The following LARP4B variants were observed in gnomAD, a reference collection of about 807,000 sequenced individuals.
LARP4B encodes the protein la-related protein 4B.
Under a neutral mutation model 89.8 loss-of-function variants are expected in LARP4B, and 12 were observed. The observed-to-expected ratio is 0.13, with a 90% CI of 0.09 to 0.22. LARP4B has a LOEUF of 0.22. LARP4B is among the 10% of genes least tolerant of loss of function. The pLI, the probability that LARP4B is intolerant of heterozygous loss-of-function variation, is 1.00. For missense variants in LARP4B, 757 were observed against 947.7 expected (o/e 0.80, Z 2.64); for synonymous variants, 367 against 363.3 (o/e 1.01, Z -0.12).
chr10:851,180 C>CT lies in LARP4B; in HGVS notation c.431-6126dup, dbSNP rs144483000. ...AAAATCGATAAAATGAAAACACTAA[C>CT]TTTTTTTTTTTTTTTTTTTTTGAGA... On this transcript the variant is annotated intron_variant, in intron 5 of 17. Transcript: ENST00000316157. Among the ~76,000 whole-genome samples the CT allele has an allele frequency of 9.5e-3, 1,251 of 131,530 alleles. 15 individuals carry two copies. Among genetic ancestry groups the CT allele is most frequent in the African/African-American group, 0.024 (818 of 34,458 alleles). The allele number at this position is 131,530 out of a possible 152,430, so 86.3% of individuals were successfully genotyped here. A position where few individuals can be genotyped will look rare whatever the true frequency, so the allele number is the denominator to read the frequency against.
intron 11 of LARP4B, among the ~76,000 whole-genome samples, chr10:827,139 A>G (rs12260005): frequency 0.026 from 3,879 of 151,988 alleles, 125 homozygotes; most frequent in African/African-American, 0.075. Flanking sequence ...ATCCGGGCGT[A>G]GTGGCGGGCG....
the LARP4B span, among the ~76,000 whole-genome samples, chr10:961,473 G>A: frequency 6.7e-6 from 1 of 148,464 alleles, no homozygotes; most frequent in Admixed American, 6.7e-5. Flanking sequence ...TTCTGGGGAG[G>A]CCTCGGGAAG....
rs536800244 is a variant in LARP4B at position 878,151 on chromosome 10, G to T, written c.141+6296C>A. Among the ~76,000 whole-genome samples the T allele has an allele frequency of 2.6e-5, 4 of 152,338 alleles. No homozygotes were observed. The East Asian group carries it at 7.7e-4, about 29-fold the overall frequency. On this transcript the variant is annotated intron_variant, in intron 3 of 17. Transcript: ENST00000316157. The stretch of plus-strand genomic sequence containing the variant: ...GGCTGGAGCAGCGTGCCAGAGGAGA[G>T]CCAGTGGGCAGCAGAGTCAGAGAGG...
At chr10:885,964 AT>A (rs1193305296) in intron 1 of LARP4B, among the ~76,000 whole-genome samples, 1 of 152,134 alleles carries the variant, frequency 6.6e-6, no homozygotes, top group Non-Finnish European at 1.5e-5. Context: ...TCTTCACACC[AT>A]TTTGGTGAAG....
the LARP4B span, among the ~76,000 whole-genome samples, chr10:977,809 T>C: frequency 6.6e-6 from 1 of 152,182 alleles, no homozygotes; most frequent in Non-Finnish European, 1.5e-5. Flanking sequence ...CATCCACTGA[T>C]TTGGGTGTCC....
rs1831938661 is a variant in LARP4B, at chr10:814,769, T to C, written c.1902A>G (p.Lys634=). 1.1e-5 allele frequency: 17 copies of C among 1,602,252 alleles called. No homozygotes were observed. The highest frequency in any genetic ancestry group is 1.4e-5 in the Non-Finnish European group (17 of 1,173,954). Residue 634 remains lysine (K), a synonymous_variant, in exon 17 of 18, where the codon AAA becomes AAG. Transcript: ENST00000316157. This position sits in a 1 kb window ranked among gnomAD's most constrained non-coding sequence, Gnocchi z 4.4. ...LPSALTATAC[K]SVQVNGAATE... ...TGGCGGCTCCGTTCACCTGCACCGA[T>C]TTACACGCGGTCGCAGTGAGGGCGG... is the stretch of plus-strand genomic sequence containing the variant.
chr10:908,346 G>A (rs1472570711), intron 1 of LARP4B, among the ~76,000 whole-genome samples: 3 of 152,150 alleles, frequency 2.0e-5, no homozygotes, highest in Non-Finnish European at 2.9e-5. Flanking sequence ...CACACATCTC[G>A]TCATCTGCAT....
At chr10:976,465 T>C in the LARP4B span, among the ~76,000 whole-genome samples, 5 of 149,160 alleles carry the variant, frequency 3.4e-5, no homozygotes, top group Admixed American at 6.7e-5. Flanking sequence ...TAGTAGAAGG[T>C]AGGCCTGTCG....
chr10:986,690 T>A, the LARP4B span: 149,434 of 152,430 alleles, frequency 0.98, 73,321 homozygotes, highest in Middle Eastern at 1. Flanking sequence ...CTGTAATCTC[T>A]GCACTTTGGG....
the LARP4B span, among the ~76,000 whole-genome samples, chr10:940,936 C>A: frequency 3.3e-5 from 5 of 152,186 alleles, no homozygotes; most frequent in East Asian, 9.6e-4. Flanking sequence ...GGCAAAATCA[C>A]AGACTCAGCT....
intron 5 of LARP4B, among the ~76,000 whole-genome samples, chr10:860,038 T>C (rs1238710313): frequency 1.4e-5 from 2 of 143,674 alleles, no homozygotes; most frequent in African/African-American, 5.2e-5. Flanking sequence ...CAGGTAATAA[T>C]GATGTGCCAA....
At chr10:874,318 T>A (rs1480672908) in intron 3 of LARP4B, among the ~76,000 whole-genome samples, 1 of 152,154 alleles carries the variant, frequency 6.6e-6, no homozygotes, top group Non-Finnish European at 1.5e-5. Flanking sequence ...TGGTTCATGG[T>A]ATTATTCGCT....
Position 884,427 on chromosome 10 carries a change from T to G in LARP4B, c.141+20A>C, listed in dbSNP as rs1835789792. The G allele has an allele frequency of 3.9e-6, 6 of 1,537,298 alleles. No homozygotes were observed. The Admixed American group carries it at 1.0e-4, about 26-fold the overall frequency. ...TGACTGTGATTAAAAAATCTGTGAT[T>G]AATCTCAAAATTGAATTACCTGACT... On this transcript the variant is annotated intron_variant, in intron 3 of 17. Coordinates refer to ENST00000316157, the MANE Select transcript of LARP4B (RefSeq NM_015155.3).
At chr10:807,430 C>G (rs1831596815), downstream of LARP4B, 1 of 152,318 alleles carries the variant, frequency 6.6e-6, no homozygotes, top group African/African-American at 2.4e-5. Context: ...TGTGGGCCCT[C>G]ACAGGCCCAC....
At chr10:911,980 A>G (rs1240787067) in intron 1 of LARP4B, among the ~76,000 whole-genome samples, 1 of 152,150 alleles carries the variant, frequency 6.6e-6, no homozygotes, top group Non-Finnish European at 1.5e-5. Flanking sequence ...AGGTTAGGAG[A>G]GTGCTCACCA....
At chr10:851,436 G>T (rs188582880) in intron 5 of LARP4B, among the ~76,000 whole-genome samples, 1 of 151,972 alleles carries the variant, frequency 6.6e-6, no homozygotes, top group Admixed American at 6.5e-5. Context: ...TGCCCGCCTC[G>T]GCCTCTCAAA....
At chr10:968,519 G>A in the LARP4B span, among the ~76,000 whole-genome samples, 5 of 152,212 alleles carry the variant, frequency 3.3e-5, no homozygotes, top group African/African-American at 9.6e-5. Flanking sequence ...GACTATCGCC[G>A]CAGAAAGAAG....
chr10:955,894 C>T, the LARP4B span, among the ~76,000 whole-genome samples: 3 of 152,168 alleles, frequency 2.0e-5, no homozygotes, highest in Non-Finnish European at 2.9e-5. This position sits in a 1 kb window ranked among gnomAD's most constrained non-coding sequence, Gnocchi z 5.2. Flanking sequence ...CTCTCACTCC[C>T]ACCTGAGGCG....
At chr10:847,751 G>C (rs191453926) in intron 5 of LARP4B, among the ~76,000 whole-genome samples, 6 of 152,022 alleles carry the variant, frequency 3.9e-5, no homozygotes, top group African/African-American at 1.2e-4. Flanking sequence ...GGCTGGTCTC[G>C]AACTCCTGCC....
Sources: allele counts gnomAD v4.1 joint callset (sites outside exome capture counted in the v4.1 genomes callset), GRCh38; gene constraint gnomAD v4.1.1; non-coding constraint Gnocchi (gnomAD v3.1); transcripts MANE v1.5; gene names NCBI Gene and HGNC (gene_info 2026-07-23, HGNC 2026-07-21).